ATP11A: variants seen among roughly 807,000 people sequenced by gnomAD.
ATP11A encodes the protein ATPase phospholipid transporting 11A, also known as phospholipid-transporting ATPase IH.
A neutral mutation model predicts 154.4 loss-of-function variants in ATP11A; 81 were observed. That is an observed-to-expected ratio of 0.52 (90% CI 0.44 to 0.63). The LOEUF (loss-of-function observed/expected upper bound fraction) is 0.63, where lower values mean the gene tolerates loss of function less well. Among genes scored for constraint, ATP11A ranks in the 30% least tolerant of loss-of-function variants. The pLI, the probability that ATP11A is intolerant of heterozygous loss-of-function variation, is 0.00. For synonymous variants in ATP11A, 623 were observed against 585.9 expected, an observed-to-expected ratio of 1.06 and a Z score of -0.91; for missense variants, 1,316 against 1,474.3, an observed-to-expected ratio of 0.89 and a Z score of 1.76.
Position 112,809,919 on chromosome 13 carries a change from GC to G in ATP11A, c.334-699del, listed in dbSNP as rs544698039. Among the ~76,000 whole-genome samples the G allele has an allele frequency of 3.9e-5, 6 of 152,350 alleles. No individual in the cohort carries two copies. The South Asian group carries it at 1.0e-3, about 26-fold the overall frequency. ...GTGCACGTGTCTGCGCCAGTGGAAG[GC>G]ATCCAGGTCCGTCAGCGCGGCCGGG... On this transcript the variant is annotated intron_variant, in intron 4 of 29. Transcript: ENST00000375645.
chr13:112,776,153 T>C (rs908743722), intron 1 of ATP11A, among the ~76,000 whole-genome samples: 2 of 152,196 alleles, frequency 1.3e-5, no homozygotes, highest in African/African-American at 4.8e-5. Flanking sequence ...TGTTGACATC[T>C]GTTACTCGTC....
In ATP11A at chr13:112,822,998, G is replaced by T. The variant is rs957238128; in HGVS notation, c.726-347G>T. On this transcript the variant is annotated intron_variant, in intron 8 of 29. Coordinates refer to ENST00000375645, the MANE Select transcript of ATP11A (RefSeq NM_015205.3). The stretch of plus-strand genomic sequence containing the variant: ...AGGTGCTGCTGACGGCACTGGTGGG[G>T]CCACCTCAGGGACCCCTGCTCTAGA... 1.6e-4 allele frequency among the ~76,000 whole-genome samples: 25 copies of T among 152,136 alleles called. 1 individual carries two copies. The highest frequency in any genetic ancestry group is 6.0e-4 in the African/African-American group (25 of 41,416).
At chr13:112,857,015 A>G (rs766935403) in intron 20 of ATP11A, among the ~76,000 whole-genome samples, 1 of 152,232 alleles carries the variant, frequency 6.6e-6, no homozygotes, top group African/African-American at 2.4e-5. Flanking sequence ...GCGTAACTGC[A>G]CATAAACCTT....
intron 25 of ATP11A, among the ~76,000 whole-genome samples, chr13:112,863,461 G>A (rs1309839304): frequency 4.0e-5 from 6 of 149,088 alleles, no homozygotes; most frequent in Non-Finnish European, 7.4e-5. Flanking sequence ...ATCACCACCT[G>A]CGCAGTAATT....
At position 112,859,314 on chromosome 13, in the gene ATP11A, T is replaced by G; in HGVS notation, c.2668-79T>G. On this transcript the variant is annotated intron_variant, in intron 22 of 29. Transcript: ENST00000375645. This position sits in a 1 kb window ranked among gnomAD's most constrained non-coding sequence, Gnocchi z 4.3. ...GTGCACGTGGATCCCTCCTCCCATG[T>G]GGGGTGGGCCACGTCGGTAGGTGGC... 1 of 1,148,478 alleles carries G rather than the reference T, an allele frequency of 8.7e-7. No individual in the cohort carries two copies. Among genetic ancestry groups the G allele is most frequent in the Non-Finnish European group, 1.3e-6 (1 of 756,110 alleles). 71.1% of individuals were successfully genotyped at this position (1,148,478 alleles called of 1,614,324 possible). A position where few individuals can be genotyped will look rare whatever the true frequency, so the allele number is the denominator to read the frequency against.
intron 1 of ATP11A, among the ~76,000 whole-genome samples, chr13:112,764,716 G>C (rs548147651): frequency 6.6e-6 from 1 of 152,222 alleles, no homozygotes; most frequent in African/African-American, 2.4e-5. Context: ...TGATGGGCTC[G>C]TCTGCCTGGG....
chr13:112,826,300 C>T (rs1355071296), intron 11 of ATP11A, among the ~76,000 whole-genome samples: 1 of 152,218 alleles, frequency 6.6e-6, no homozygotes, highest in South Asian at 2.1e-4. Flanking sequence ...TTTCACCAGG[C>T]TTAGTTTTTA....
chr13:112,708,738 G>A (rs1007665635), intron 1 of ATP11A, among the ~76,000 whole-genome samples: 3 of 152,256 alleles, frequency 2.0e-5, no homozygotes, highest in African/African-American at 7.2e-5. Flanking sequence ...CGTGGGCTGC[G>A]TGTGGCCCTG....
intron 1 of ATP11A, among the ~76,000 whole-genome samples, chr13:112,779,138 GAGTAGCCGCTGGAGT>G (rs2077430642): frequency 4.9e-5 from 5 of 102,012 alleles, no homozygotes; most frequent in Non-Finnish European, 7.8e-5. Context: ...CCGCTGGAGT[GAGTAGCCGCTGGAGT>G]GAGGAGTAGC....
At chr13:112,862,218 G>T (rs1005219195) in intron 24 of ATP11A, among the ~76,000 whole-genome samples, 3 of 152,250 alleles carry the variant, frequency 2.0e-5, no homozygotes. Flanking sequence ...ATATGAGAGA[G>T]AAAATATCTG....
intron 1 of ATP11A, among the ~76,000 whole-genome samples, chr13:112,738,683 C>G (rs370962335): frequency 2.0e-4 from 30 of 152,258 alleles, no homozygotes; most frequent in African/African-American, 7.0e-4. Flanking sequence ...TGACCCTATT[C>G]TGCTGCCGGT....
intron 19 of ATP11A, among the ~76,000 whole-genome samples, chr13:112,854,932 C>T (rs936247575): frequency 5.3e-5 from 8 of 152,202 alleles, no homozygotes; most frequent in Non-Finnish European, 1.0e-4. Flanking sequence ...TCGTCTAAGA[C>T]GAAGCAGTAC....
intron 1 of ATP11A, among the ~76,000 whole-genome samples, chr13:112,718,483 C>A (rs75038008): frequency 0.065 from 9,887 of 152,196 alleles, 987 homozygotes; most frequent in African/African-American, 0.22. Flanking sequence ...TGAAATACCC[C>A]CAGAGGGCAG....
intron 1 of ATP11A, among the ~76,000 whole-genome samples, chr13:112,741,986 A>ACCACAGAAGAGTGGTCCCCCTCC (rs1226118991): frequency 9.2e-4 from 137 of 149,020 alleles, no homozygotes; most frequent in Middle Eastern, 3.5e-3. Flanking sequence ...TGGTTCCCCC[A>ACCACAGAAGAGTGGTCCCCCTCC]CCACAGAAGA....
At position 112,705,448 on chromosome 13, in the gene ATP11A, G is replaced by GT. The variant is rs1361591455; in HGVS notation, c.39+14993_39+14994insT. On this transcript the variant is annotated intron_variant, in intron 1 of 29. Transcript: ENST00000375645. The stretch of plus-strand genomic sequence containing the variant: ...CTGTATGCGCTGAAGATTCTGTGGG[G>GT]AGCAAGAGGTACAGGCGCCCCAGCT... Among the ~76,000 whole-genome samples, 97 of 137,598 alleles carry GT rather than the reference G, an allele frequency of 7.0e-4. No individual in the cohort carries two copies. The East Asian group carries it at 0.019, about 26-fold the overall frequency. 90.3% of individuals were successfully genotyped at this position (137,598 alleles called of 152,430 possible).
chr13:112,873,708 T>TAA, intron 27 of ATP11A, 32 bp downstream of exon 27: 1 of 1,568,762 alleles, frequency 6.4e-7, no homozygotes, highest in Non-Finnish European at 8.8e-7. Flanking sequence ...GATAATCTGA[T>TAA]AAATATCATG....
At position 112,871,743 on chromosome 13, in the gene ATP11A, A is replaced by G. The variant is rs2080527413; in HGVS notation, c.3000A>G (p.Gly1000=). 1 of 1,613,920 alleles carries G rather than the reference A, an allele frequency of 6.2e-7. No individual in the cohort carries two copies. The highest frequency in any genetic ancestry group is 1.3e-5 in the African/African-American group (1 of 74,936). Residue 1000 remains glycine (G), a synonymous_variant, in exon 26 of 30, where the codon GGA becomes GGG. Coordinates refer to ENST00000375645, the MANE Select transcript of ATP11A (RefSeq NM_015205.3). ...CTATTTTCCCCAAACAGATATTTGG[A>G]AACTGGACGTTTGGAACGCTGGTAT... ...TTVTSNGQIF[G]NWTFGTLVFT... is the part of the protein sequence containing the mutation.
At position 112,705,202 on chromosome 13, in the gene ATP11A, G is replaced by C. The variant is rs9604404; in HGVS notation, c.39+14747G>C. Among the ~76,000 whole-genome samples the C allele has an allele frequency of 2.5e-3, 388 of 152,278 alleles. 1 individual carries two copies. The highest frequency in any genetic ancestry group is 8.9e-3 in the African/African-American group (368 of 41,528). ...ATGTAAAAAGAAAGCTGGAGCGACT[G>C]TCATGGTGGCTGGAGTTTCCTTTTG... On this transcript the variant is annotated intron_variant, in intron 1 of 29. Transcript: ENST00000375645.
chr13:112,843,190 C>G (rs1471665485), intron 17 of ATP11A, among the ~76,000 whole-genome samples: 4 of 152,146 alleles, frequency 2.6e-5, no homozygotes, highest in Non-Finnish European at 4.4e-5. Flanking sequence ...TGCACATGCT[C>G]CCTCCTGTGA....
Sources: gnomAD v4.1 joint callset for allele counts (sites outside exome capture counted in the v4.1 genomes callset) on GRCh38, gnomAD v4.1.1 for gene constraint, Gnocchi (gnomAD v3.1) non-coding constraint, MANE v1.5 for transcripts, NCBI Gene and HGNC (gene_info 2026-07-23, HGNC 2026-07-21) for gene names.